The following CCDC14 variants were observed in gnomAD, a reference collection of about 807,000 sequenced individuals.
CCDC14 encodes the protein coiled-coil domain containing 14.
A neutral mutation model predicts 81.4 loss-of-function variants in CCDC14; 71 were observed. That is an observed-to-expected ratio of 0.87 (90% confidence interval 0.72 to 1.06). The LOEUF (loss-of-function observed/expected upper bound fraction) is 1.06. CCDC14 is among the 50% of genes least tolerant of loss of function. The pLI is 0.00. For synonymous variants in CCDC14, 332 were observed against 364.8 expected (o/e 0.91, Z 1.03); for missense variants, 1,046 against 1,047.3 (o/e 1.00, Z 0.02).
rs780005647 is a variant in CCDC14 at position 123,915,681 on chromosome 3, G to T, written c.1816C>A (p.Leu606Ile). Residue 606 changes from leucine to isoleucine, a missense_variant, in exon 13 of 13, where the codon CTT (leucine) becomes ATT (isoleucine). Coordinates refer to ENST00000409697, the MANE Select transcript of CCDC14 (RefSeq NM_001366335.1). ...TTGCAGCGAGCACTGTCCACACTAA[G>T]ATCGGAGAGAAGCTTTGCCATGCTA... The part of the protein sequence containing the change: ...QTSMAKLLSD[L>I]SVDSARCKPG... 6.2e-7 allele frequency: 1 copy of T among 1,613,262 alleles called. No individual in the cohort carries two copies. The highest frequency in any genetic ancestry group is 1.1e-5 in the South Asian group (1 of 90,786).
intron 9 of CCDC14, among the ~76,000 whole-genome samples, chr3:123,939,212 C>T (rs149238230): frequency 2.4e-3 from 359 of 151,902 alleles, no homozygotes; most frequent in African/African-American, 7.2e-3. Flanking sequence ...TCCCTCAGAA[C>T]TTTGTAAATG....
At chr3:123,901,232 C>T (rs956473174) in intron 5 of CCDC14, among the ~76,000 whole-genome samples, 1 of 145,086 alleles carries the variant, frequency 6.9e-6, no homozygotes, top group African/African-American at 2.6e-5. Context: ...AGCTCCATCT[C>T]AAAAATAAAA....
At chr3:123,927,631 C>T (rs891504061) in intron 12 of CCDC14, among the ~76,000 whole-genome samples, 8 of 152,014 alleles carry the variant, frequency 5.3e-5, no homozygotes, top group Non-Finnish European at 1.0e-4. Context: ...AGCATAAAAA[C>T]GTGCTTAACA....
chr3:123,941,642 CT>C (rs2036355781), intron 9 of CCDC14, among the ~76,000 whole-genome samples: 2 of 152,022 alleles, frequency 1.3e-5, no homozygotes, highest in South Asian at 2.1e-4. Context: ...GTTATTTCAT[CT>C]TTTAGAAGGT....
chr3:123,891,511 T>C, the CCDC14 span, among the ~76,000 whole-genome samples: 1 of 152,208 alleles, frequency 6.6e-6, no homozygotes. Context: ...AAGTTCAAAG[T>C]TCCACAAATC....
At chr3:123,938,453 C>A (rs2036175120) in intron 9 of CCDC14, among the ~76,000 whole-genome samples, 1 of 151,784 alleles carries the variant, frequency 6.6e-6, no homozygotes, top group South Asian at 2.1e-4. Flanking sequence ...GATCTTGTAT[C>A]CTGCAACCTT....
Position 123,915,038 on chromosome 3 carries a change from G to A in CCDC14, c.2459C>T (p.Pro820Leu). The change falls in exon 13 of 13, where the codon CCT (proline) becomes CTT (leucine). Residue 820 changes from proline to leucine, a missense_variant. Coordinates refer to ENST00000409697, the MANE Select transcript of CCDC14 (RefSeq NM_001366335.1). Reference sequence around the variant, plus strand: ...TTCCTCTGGCTCCTTGGTGGCAGCAGGGATCTTACCAATTGCTTCCTTTAT... The same window carrying A: ...TTCCTCTGGCTCCTTGGTGGCAGCAAGGATCTTACCAATTGCTTCCTTTAT... ...KKIKEAIGKI[P>L]AATKEPEEQT... is the part of the protein sequence containing the mutation. 6.2e-7 allele frequency: 1 copy of A among 1,614,030 alleles called. No individual in the cohort carries two copies. Among genetic ancestry groups the A allele is most frequent in the Non-Finnish European group, 8.5e-7 (1 of 1,179,892 alleles).
chr3:123,944,797 G>A (rs1304893893), intron 9 of CCDC14, 52 bp downstream of exon 9: 9 of 1,504,168 alleles, frequency 6.0e-6, no homozygotes, highest in Non-Finnish European at 6.4e-6. Flanking sequence ...CTTTGTTCTG[G>A]CCAGGAGACA....
intron 5 of CCDC14, among the ~76,000 whole-genome samples, chr3:123,904,051 C>T (rs937057341): frequency 3.3e-5 from 5 of 152,094 alleles, no homozygotes; most frequent in African/African-American, 1.2e-4. Flanking sequence ...CTTAAAATAG[C>T]TATTTTCTGT....
Position 123,913,649 on chromosome 3 carries a change from C to T in CCDC14, c.*1130G>A, listed in dbSNP as rs974329966. The T allele has an allele frequency of 1.0e-6, 1 of 955,816 alleles. No individual in the cohort carries two copies. The highest frequency in any genetic ancestry group is 1.2e-6 in the Non-Finnish European group (1 of 808,086). 59.2% of individuals were successfully genotyped at this position (955,816 alleles called of 1,614,324 possible). A position where few individuals can be genotyped will look rare whatever the true frequency, so the allele number is the denominator to read the frequency against. Reference sequence around the variant, plus strand: ...TCAAAGAGACTACAGCTGGCTCCTTCAAACGCTGTAGCACTAACACCTAAA... The same window carrying T: ...TCAAAGAGACTACAGCTGGCTCCTTTAAACGCTGTAGCACTAACACCTAAA... On this transcript the variant is annotated 3_prime_UTR_variant, in exon 13 of 13. Transcript: ENST00000409697.
rs2036716486 is a variant in CCDC14 at position 123,947,419 on chromosome 3, G to A, written c.685-100C>T. The A allele has an allele frequency of 1.3e-5, 10 of 769,040 alleles. No individual in the cohort carries two copies. The South Asian group carries it at 2.2e-4, about 17-fold the overall frequency. 47.6% of individuals were successfully genotyped at this position (769,040 alleles called of 1,614,324 possible). On this transcript the variant is annotated intron_variant, in intron 7 of 12. Coordinates refer to ENST00000409697, the MANE Select transcript of CCDC14 (RefSeq NM_001366335.1). Reference sequence around the variant, plus strand: ...ATATGAAATATATTTATTAAAACATGTTTATTAATATATTCATTTTGTGAA... The same window carrying A: ...ATATGAAATATATTTATTAAAACATATTTATTAATATATTCATTTTGTGAA...
chr3:123,934,839 C>T (rs537157712), intron 9 of CCDC14, among the ~76,000 whole-genome samples: 4 of 152,010 alleles, frequency 2.6e-5, no homozygotes, highest in African/African-American at 9.7e-5. Flanking sequence ...ATATTAATTT[C>T]GAGTTGATTA....
At chr3:123,928,484 C>A (rs924864472) in intron 12 of CCDC14, among the ~76,000 whole-genome samples, 1 of 151,632 alleles carries the variant, frequency 6.6e-6, no homozygotes, top group Non-Finnish European at 1.5e-5. Flanking sequence ...CCAGCCTGGG[C>A]GACAGAGTGA....
chr3:123,945,014 TA>T, intron 8 of CCDC14, 24 bp from the exon 9 acceptor site: 5 of 1,522,414 alleles, frequency 3.3e-6, no homozygotes, highest in Non-Finnish European at 4.5e-6. Flanking sequence ...CAGAAATGAG[TA>T]AAATCAATAT....
intron 9 of CCDC14, among the ~76,000 whole-genome samples, chr3:123,937,795 T>C (rs2036134237): frequency 6.6e-6 from 1 of 151,958 alleles, no homozygotes; most frequent in Non-Finnish European, 1.5e-5. Flanking sequence ...AGTTTTAGTT[T>C]ATACATTAAG....
chr3:123,916,462 ATGTGTTTG>A (rs1553710973), intron 12 of CCDC14, among the ~76,000 whole-genome samples: 31 of 81,994 alleles, frequency 3.8e-4, no homozygotes, highest in East Asian at 3.7e-3. Context: ...TTCATTATAT[ATGTGTTTG>A]TGTGTGTGTG....
downstream of CCDC14, chr3:123,897,348 T>G (rs1488303114): frequency 6.5e-6 from 1 of 154,846 alleles, no homozygotes; most frequent in Non-Finnish European, 1.4e-5. Flanking sequence ...TTATAATAAT[T>G]CTAAAATTTA....
chr3:123,887,065 T>C, the CCDC14 span, among the ~76,000 whole-genome samples: 1 of 152,212 alleles, frequency 6.6e-6, no homozygotes, highest in African/African-American at 2.4e-5. Context: ...ACAATATTAA[T>C]ACTACCATCA....
chr3:123,934,737 C>G (rs1417408325), intron 9 of CCDC14, among the ~76,000 whole-genome samples: 1 of 152,082 alleles, frequency 6.6e-6, no homozygotes, highest in Admixed American at 6.5e-5. Context: ...ATTATCTTTC[C>G]AGAATTACTT....
Sources: gnomAD v4.1 joint callset for allele counts (sites outside exome capture counted in the v4.1 genomes callset) on GRCh38, gnomAD v4.1.1 for gene constraint, MANE v1.5 for transcripts, NCBI Gene and HGNC (gene_info 2026-07-23, HGNC 2026-07-21) for gene names.